The following TRPV5 variants were observed in gnomAD, a reference collection of about 807,000 sequenced individuals.
TRPV5 encodes the protein transient receptor potential cation channel subfamily V member 5.
Under a neutral mutation model 74.1 loss-of-function variants are expected in TRPV5, and 66 were observed. That is an observed-to-expected ratio of 0.89 (90% CI 0.73 to 1.09). The LOEUF is 1.09. Ranked by LOEUF, TRPV5 falls within the 50% of genes least tolerant of loss-of-function variation. The pLI is 0.00. For synonymous variants in TRPV5, 399 were observed against 360.7 expected (o/e 1.11, Z -1.20); for missense variants, 936 against 930.4 (o/e 1.01, Z -0.08).
At position 142,908,507 on chromosome 7, in the gene TRPV5, A is replaced by G. The variant is rs370431880; in HGVS notation, c.*7T>C. The G allele has an allele frequency of 6.2e-7, 1 of 1,613,500 alleles. No homozygotes were observed. Among genetic ancestry groups the G allele is most frequent in the African/African-American group, 1.3e-5 (1 of 74,906 alleles). ...GGGAGTAAGGTCAAGAGTGATAGCG[A>G]TGTTAATCAAAAATGGTAGACCTCC... On this transcript the variant is annotated 3_prime_UTR_variant, in exon 15 of 15. Transcript: ENST00000265310.
chr7:142,913,520 C>T (rs1311709382), intron 12 of TRPV5, among the ~76,000 whole-genome samples: 1 of 152,198 alleles, frequency 6.6e-6, no homozygotes, highest in African/African-American at 2.4e-5. Flanking sequence ...CTGGGACCAT[C>T]ACCTCATTTT....
chr7:142,910,786 C>A (rs1048302599), intron 13 of TRPV5, among the ~76,000 whole-genome samples: 2 of 152,176 alleles, frequency 1.3e-5, no homozygotes, highest in African/African-American at 4.8e-5. Flanking sequence ...ATCATGCAGC[C>A]CCGTCCTTCC....
At position 142,928,737 on chromosome 7, in the gene TRPV5, T is replaced by C; in HGVS notation, c.716A>G (p.Gln239Arg). 2 of 1,614,026 alleles carry C rather than the reference T, an allele frequency of 1.2e-6. No individual in the cohort carries two copies. Among genetic ancestry groups the C allele is most frequent in the East Asian group, 2.2e-5 (1 of 44,872 alleles). The change falls in exon 6 of 15, where the codon CAG (glutamine) becomes CGG (arginine). Residue 239 changes from glutamine (Q) to arginine (R), a missense_variant. Transcript: ENST00000265310. Reference protein sequence around the residue: ...LQPLDLVPNHQGLTPFKLAGV... With the variant: ...LQPLDLVPNHRGLTPFKLAGV... Reference sequence around the variant, plus strand: ...AGCCAGCTTGAAGGGGGTGAGACCCTGGTGATTGGGCACAAGGTCCAGGGG... The same window carrying C: ...AGCCAGCTTGAAGGGGGTGAGACCCCGGTGATTGGGCACAAGGTCCAGGGG...
At chr7:142,924,384 A>C (rs1411844077) in intron 8 of TRPV5, among the ~76,000 whole-genome samples, 1 of 120,954 alleles carries the variant, frequency 8.3e-6, no homozygotes, top group Non-Finnish European at 1.6e-5. Flanking sequence ...ACATATATAT[A>C]TATATATACA....
Position 142,933,576 on chromosome 7 carries a change from T to G in TRPV5, c.-117A>C. 1.4e-6 allele frequency: 2 copies of G among 1,396,770 alleles called. No homozygotes were observed. The highest frequency in any genetic ancestry group is 2.0e-6 in the Non-Finnish European group (2 of 1,023,114). 86.5% of individuals were successfully genotyped at this position (1,396,770 alleles called of 1,614,324 possible). On this transcript the variant is annotated 5_prime_UTR_variant, in exon 1 of 15. Coordinates refer to ENST00000265310, the MANE Select transcript of TRPV5 (RefSeq NM_019841.7). ...TTGGGGCTGGGACTCTGAGTTTATC[T>G]CCTGTATGACTTGTGTATGCAGCAT...
In TRPV5 at chr7:142,933,346, C is replaced by A; in HGVS notation, c.114G>T (p.Met38Ile). 6.2e-7 allele frequency: 1 copy of A among 1,613,850 alleles called. No individual in the cohort carries two copies. The highest frequency in any genetic ancestry group is 1.7e-4 in the Middle Eastern group (1 of 5,862). Residue 38 changes from methionine (M) to isoleucine (I), a missense_variant, in exon 1 of 15, where the codon ATG (methionine) becomes ATT (isoleucine). Coordinates refer to ENST00000265310, the MANE Select transcript of TRPV5 (RefSeq NM_019841.7). ...AGGAAGCCTACCTCTTCTGCTGCAG[C>A]ATATGAAGCTTGTCCAGGTGCTGGT... ...DWDQHLDKLH[M>I]LQQKRILESP...
At chr7:142,931,765 G>A (rs1025478137) in intron 1 of TRPV5, among the ~76,000 whole-genome samples, 26 of 152,078 alleles carry the variant, frequency 1.7e-4, no homozygotes, top group African/African-American at 1.9e-4. Context: ...GCAGTGGTGC[G>A]ATCTCGGCTC....
intron 5 of TRPV5, 52 bp from the exon 6 acceptor site, chr7:142,928,918 C>T (rs961877957): frequency 1.9e-6 from 3 of 1,611,702 alleles, no homozygotes. Flanking sequence ...TCCCTGATGT[C>T]CCCATCCCCA....
chr7:142,914,748 T>C (rs1214306775), intron 11 of TRPV5, 42 bp from the exon 12 acceptor site: 5 of 1,611,318 alleles, frequency 3.1e-6, no homozygotes, highest in Non-Finnish European at 4.2e-6. Flanking sequence ...TGATTCCTTT[T>C]CCACTGCTTT....
intron 1 of TRPV5, 31 bp downstream of exon 1, chr7:142,933,301 G>C (rs780293763): frequency 6.2e-7 from 1 of 1,610,210 alleles, no homozygotes; most frequent in Admixed American, 1.7e-5. Flanking sequence ...GATCACGGCG[G>C]TAGGGCCACG....
intron 8 of TRPV5, among the ~76,000 whole-genome samples, chr7:142,918,317 T>C (rs1795830196): frequency 6.6e-6 from 1 of 152,220 alleles, no homozygotes. Flanking sequence ...CAAAGTAAAT[T>C]ATCAGGGCAC....
At chr7:142,927,311 T>A (rs1436487278) in intron 7 of TRPV5, among the ~76,000 whole-genome samples, 2 of 152,310 alleles carry the variant, frequency 1.3e-5, no homozygotes, top group African/African-American at 4.8e-5. Context: ...GGACTGAGAA[T>A]TGAGGAAGTT....
chr7:142,927,723 G>A (rs1796010859), intron 7 of TRPV5, among the ~76,000 whole-genome samples: 1 of 152,162 alleles, frequency 6.6e-6, no homozygotes. Context: ...CCTCCCACCA[G>A]GCCCCTTCTC....
rs115681537 is a variant in TRPV5, at chr7:142,928,309, A to T, written c.763-75T>A. 2,081 of 1,534,146 alleles carry T rather than the reference A, an allele frequency of 1.4e-3. 31 individuals carry two copies. The African/African-American group carries it at 0.026, about 19-fold the overall frequency. Reference sequence around the variant, plus strand: ...CGAGGAGAACAACTCCATTGGATGGAGCCAGTTGCCCACCCCTTGAGACAG... The same window carrying T: ...CGAGGAGAACAACTCCATTGGATGGTGCCAGTTGCCCACCCCTTGAGACAG... On this transcript the variant is annotated intron_variant, in intron 6 of 14. Transcript: ENST00000265310.
At chr7:142,922,878 G>A (rs1284946878) in intron 8 of TRPV5, among the ~76,000 whole-genome samples, 1 of 152,190 alleles carries the variant, frequency 6.6e-6, no homozygotes, top group Non-Finnish European at 1.5e-5. Context: ...TTATGGCTGA[G>A]CAATGAGGTG....
chr7:142,916,512 A>G (rs908540524), intron 8 of TRPV5, among the ~76,000 whole-genome samples: 1 of 152,236 alleles, frequency 6.6e-6, no homozygotes, highest in Non-Finnish European at 1.5e-5. Context: ...GACAATTCCC[A>G]CATGATATTG....
At chr7:142,920,296 A>G (rs1431802102) in intron 8 of TRPV5, among the ~76,000 whole-genome samples, 1 of 152,190 alleles carries the variant, frequency 6.6e-6, no homozygotes, top group African/African-American at 2.4e-5. Flanking sequence ...TCTTCTGAAG[A>G]GTCTCCACCC....
At chr7:142,915,938 G>A (rs907426173) in intron 8 of TRPV5, among the ~76,000 whole-genome samples, 8 of 152,194 alleles carry the variant, frequency 5.3e-5, no homozygotes, top group African/African-American at 1.9e-4. Context: ...CAGCTATGTG[G>A]AAAGTCCACC....
At chr7:142,922,674 T>A (rs997594390) in intron 8 of TRPV5, among the ~76,000 whole-genome samples, 5 of 152,182 alleles carry the variant, frequency 3.3e-5, no homozygotes, top group African/African-American at 1.2e-4. Flanking sequence ...GTCAAACAAG[T>A]ATTAAATTTC....
Sources: gnomAD v4.1 joint callset for allele counts (sites outside exome capture counted in the v4.1 genomes callset) on GRCh38, gnomAD v4.1.1 for gene constraint, MANE v1.5 for transcripts, NCBI Gene and HGNC (gene_info 2026-07-23, HGNC 2026-07-21) for gene names.